The following TNC variants were observed in gnomAD, a reference collection of about 807,000 sequenced individuals.
TNC encodes tenascin.
In TNC, 109 loss-of-function variants were observed where a neutral mutation model predicts 202.4. That is an observed-to-expected ratio of 0.54 (90% CI 0.46 to 0.63). TNC has a LOEUF of 0.63. TNC is among the 30% of genes least tolerant of loss of function. The pLI, the probability that TNC is intolerant of heterozygous loss-of-function variation, is 0.00. For missense variants in TNC, 2,756 were observed against 2,833.3 expected, an observed-to-expected ratio of 0.97 and a Z score of 0.62; for synonymous variants, 1,007 against 1,089.7, an observed-to-expected ratio of 0.92 and a Z score of 1.50.
rs376193076 is a variant in TNC at position 115,090,545 on chromosome 9, G to A, written c.457+17C>T. On this transcript the variant is annotated intron_variant, in intron 2 of 27. Coordinates refer to ENST00000350763, the MANE Select transcript of TNC (RefSeq NM_002160.4). ...ATGTTTGCACAGTGTGGGACTGGGC[G>A]GGCCACCAGCTCATACCTGTGGCAG... 3.6e-4 allele frequency: 559 copies of A among 1,543,714 alleles called. 1 individual carries two copies. The highest frequency in any genetic ancestry group is 4.5e-4 in the Non-Finnish European group (518 of 1,141,712).
At chr9:115,049,521 G>A (rs138653637) in intron 15 of TNC, among the ~76,000 whole-genome samples, 3 of 152,050 alleles carry the variant, frequency 2.0e-5, no homozygotes, top group South Asian at 2.1e-4. Flanking sequence ...CAGGTCTTCC[G>A]ACTCCAAGTT....
chr9:115,111,862 C>G lies in TNC; in HGVS notation c.-137+6120G>C, dbSNP rs1370188820. ...CAAGAAATGGAGTCCAGCCAACAAC[C>G]ACATCAACAAGCTTGGAAGCTAATC... On this transcript the variant is annotated intron_variant, in intron 1 of 27. Coordinates refer to ENST00000350763, the MANE Select transcript of TNC (RefSeq NM_002160.4). Among the ~76,000 whole-genome samples, 5 of 152,172 alleles carry G rather than the reference C, an allele frequency of 3.3e-5. No individual in the cohort carries two copies. The South Asian group carries it at 8.3e-4, about 25-fold the overall frequency.
intron 21 of TNC, chr9:115,035,706 T>A (rs996194769): frequency 3.8e-6 from 1 of 261,720 alleles, no homozygotes; most frequent in African/African-American, 2.2e-5. Context: ...CTATAGTTTG[T>A]AAAAAGCTCT....
chr9:115,096,635 G>GA (rs1835816622), intron 1 of TNC, among the ~76,000 whole-genome samples: 1 of 152,072 alleles, frequency 6.6e-6, no homozygotes, highest in Non-Finnish European at 1.5e-5. Context: ...GGATTAGGGA[G>GA]AAAAAATGGC....
At chr9:115,035,595 A>G (rs998894282) in intron 21 of TNC, 2 of 375,314 alleles carry the variant, frequency 5.3e-6, no homozygotes, top group Non-Finnish European at 9.6e-6. Flanking sequence ...ACAGCTGTGA[A>G]CATCATTATC....
At chr9:115,084,114 C>A (rs1385604165) in intron 4 of TNC, 95 bp downstream of exon 4, 11 of 1,348,840 alleles carry the variant, frequency 8.2e-6, no homozygotes, top group African/African-American at 1.5e-5. Flanking sequence ...CTGTAAAGAA[C>A]AACTATAGGA....
At position 115,040,924 on chromosome 9, in the gene TNC, C is replaced by CACACAA. The variant is rs772853678; in HGVS notation, c.5392+16_5392+17insTTGTGT. The CACACAA allele has an allele frequency of 1.9e-6, 3 of 1,606,490 alleles. No individual in the cohort carries two copies. Among genetic ancestry groups the CACACAA allele is most frequent in the East Asian group, 2.2e-5 (1 of 44,766 alleles). On this transcript the variant is annotated intron_variant, in intron 19 of 27. Coordinates refer to ENST00000350763, the MANE Select transcript of TNC (RefSeq NM_002160.4). ...AAATAGTAACACACACACACACACA[C>CACACAA]AACCCCACCAACTCACCTGTGGTGA...
Position 115,084,396 on chromosome 9 carries a change from C to A in TNC, c.1944G>T (p.Arg648=), listed in dbSNP as rs1834549529. Residue 648 remains arginine, a synonymous_variant, in exon 4 of 28, where the codon CGG becomes CGT. Transcript: ENST00000350763. ...TVNLAWDNEM[R]VTEYLVVYTP... ...TGTACACGACAAGGTACTCTGTGACCCGCATCTCATTGTCCCAGGCCAGGT... is the reference window on the plus strand; with the variant it reads ...TGTACACGACAAGGTACTCTGTGACACGCATCTCATTGTCCCAGGCCAGGT... The A allele has an allele frequency of 1.9e-6, 3 of 1,614,182 alleles. No homozygotes were observed. The highest frequency in any genetic ancestry group is 1.3e-5 in the African/African-American group (1 of 75,050).
chr9:115,032,813 C>A (rs1830048965), intron 22 of TNC, among the ~76,000 whole-genome samples: 1 of 152,224 alleles, frequency 6.6e-6, no homozygotes, highest in Non-Finnish European at 1.5e-5. Context: ...TAGTCTGTGG[C>A]TGGTCTCTGT....
At chr9:115,048,006 A>G (rs1831338060) in intron 16 of TNC, among the ~76,000 whole-genome samples, 1 of 152,234 alleles carries the variant, frequency 6.6e-6, no homozygotes, top group Admixed American at 6.5e-5. Flanking sequence ...AGAGCTATGG[A>G]CAAGACAAGG....
intron 17 of TNC, among the ~76,000 whole-genome samples, chr9:115,042,952 G>A (rs1476017306): frequency 6.6e-6 from 1 of 152,102 alleles, no homozygotes; most frequent in Non-Finnish European, 1.5e-5. Context: ...CCTAGAACTG[G>A]AAGGAGGTCC....
intron 10 of TNC, among the ~76,000 whole-genome samples, chr9:115,069,079 T>A (rs550788454): frequency 1.5e-4 from 23 of 152,350 alleles, no homozygotes; most frequent in African/African-American, 5.0e-4. Flanking sequence ...AGGTATGAAA[T>A]AAATATTTGC....
intron 19 of TNC, among the ~76,000 whole-genome samples, chr9:115,040,010 T>C (rs1485081581): frequency 6.6e-6 from 1 of 152,250 alleles, no homozygotes; most frequent in African/African-American, 2.4e-5. Flanking sequence ...CCTTAATGAG[T>C]TGGACTGGAT....
intron 13 of TNC, among the ~76,000 whole-genome samples, chr9:115,062,604 G>T (rs951229522): frequency 5.1e-5 from 5 of 98,490 alleles, no homozygotes; most frequent in African/African-American, 2.3e-4. Context: ...ATGAGACCCT[G>T]ACTCAAAAAA....
At chr9:115,050,512 A>G (rs11789200) in intron 15 of TNC, among the ~76,000 whole-genome samples, 19,079 of 152,202 alleles carry the variant, frequency 0.13, 1,407 homozygotes, top group Non-Finnish European at 0.18. Context: ...CTGCATTTGA[A>G]GACTCATCTG....
At position 115,076,434 on chromosome 9, in the gene TNC, T is replaced by C; in HGVS notation, c.2816A>G (p.Asp939Gly). 1.2e-6 allele frequency: 2 copies of C among 1,614,172 alleles called. No homozygotes were observed. The highest frequency in any genetic ancestry group is 2.2e-5 in the South Asian group (2 of 91,072). Residue 939 changes from aspartate to glycine, a missense_variant, in exon 8 of 28, where the codon GAT becomes GGT. By Grantham distance (94) the Asp-to-Gly change is moderately conservative. This residue lies in a region of TNC where 2,559 missense variants were observed against 2,546.0 expected (regional missense o/e 1.01). Coordinates refer to ENST00000350763, the MANE Select transcript of TNC (RefSeq NM_002160.4). Reference protein sequence around the residue: ...PISGGDHAEVDVPKSQQATTK... With the variant: ...PISGGDHAEVGVPKSQQATTK... ...TGTGGCTTGTTGGCTCTTTGGAACATCAACCTCAGCGTGGTCCCCTCCAGA... is the reference window on the plus strand; with the variant it reads ...TGTGGCTTGTTGGCTCTTTGGAACACCAACCTCAGCGTGGTCCCCTCCAGA...
intron 1 of TNC, among the ~76,000 whole-genome samples, chr9:115,110,529 G>A (rs1836960182): frequency 6.6e-6 from 1 of 152,062 alleles, no homozygotes; most frequent in African/African-American, 2.4e-5. Context: ...AGAAAGTGGG[G>A]AGGCAGTGAA....
In TNC at chr9:115,020,345, CT is replaced by C; in HGVS notation, c.*811del. 6.4e-6 allele frequency: 1 copy of C among 157,200 alleles called. No homozygotes were observed. The highest frequency in any genetic ancestry group is 1.4e-5 in the Non-Finnish European group (1 of 72,020). The allele number at this position is 157,200 out of a possible 1,614,324, so 9.7% of individuals were successfully genotyped here. ...TGGGATTACAGGCCTGGCCTGTAAGCTTTTCCCAAGTGTGTTCAACTTTATT... is the reference window on the plus strand; with the variant it reads ...TGGGATTACAGGCCTGGCCTGTAAGCTTTCCCAAGTGTGTTCAACTTTATT... On this transcript the variant is annotated 3_prime_UTR_variant, in exon 28 of 28. Coordinates refer to ENST00000350763, the MANE Select transcript of TNC (RefSeq NM_002160.4).
At chr9:115,083,600 C>G (rs1045021035) in intron 4 of TNC, among the ~76,000 whole-genome samples, 9 of 121,356 alleles carry the variant, frequency 7.4e-5, no homozygotes, top group Non-Finnish European at 1.3e-4. Context: ...ATAATGAGGA[C>G]TCTTTTTTTT....
Sources: allele counts gnomAD v4.1 joint callset (sites outside exome capture counted in the v4.1 genomes callset), GRCh38; gene constraint gnomAD v4.1.1; regional missense constraint gnomAD v4.1.1; transcripts MANE v1.5; gene names NCBI Gene and HGNC (gene_info 2026-07-23, HGNC 2026-07-21).